The following NCR1 variants were observed in gnomAD, a reference collection of about 807,000 sequenced individuals.
The protein encoded by NCR1 is natural cytotoxicity triggering receptor 1.
In NCR1, 30 loss-of-function variants were observed where a neutral mutation model predicts 32.5. The observed-to-expected ratio is 0.92, with a 90% confidence interval of 0.69 to 1.25. NCR1 has a LOEUF of 1.25. Among genes scored for constraint, NCR1 ranks in the 50% most tolerant of loss-of-function variants. NCR1 has a pLI of 0.00. For synonymous variants in NCR1, 169 were observed against 143.4 expected (o/e 1.18, Z -1.28); for missense variants, 369 against 380.7 (o/e 0.97, Z 0.26).
At chr19:54,932,803 G>A in the NCR1 span, among the ~76,000 whole-genome samples, 81 of 152,020 alleles carry the variant, frequency 5.3e-4, no homozygotes, top group African/African-American at 1.8e-3. Context: ...CTATAGGCAC[G>A]CACCACCAAG....
the NCR1 span, among the ~76,000 whole-genome samples, chr19:54,924,690 C>T: frequency 3.1e-4 from 47 of 152,202 alleles, no homozygotes; most frequent in African/African-American, 1.1e-3. Flanking sequence ...AATTCCAGCA[C>T]TTTGGGAGGC....
the NCR1 span, chr19:54,927,545 G>A: frequency 2.1e-4 from 327 of 1,538,606 alleles, no homozygotes; most frequent in Non-Finnish European, 2.6e-4. Flanking sequence ...GACAGAGCAC[G>A]ACTCCATCTC....
At chr19:54,903,917 G>A (rs2067384417), upstream of NCR1, among the ~76,000 whole-genome samples, 1 of 151,484 alleles carries the variant, frequency 6.6e-6, no homozygotes, top group Non-Finnish European at 1.5e-5. Flanking sequence ...CTTGAGGTGA[G>A]GAGTTGGAGA....
downstream of NCR1, among the ~76,000 whole-genome samples, chr19:54,919,546 T>C (rs909523587): frequency 6.6e-6 from 1 of 152,188 alleles, no homozygotes; most frequent in East Asian, 1.9e-4. Flanking sequence ...CAGAGCCAGG[T>C]GTACAGGATG....
the NCR1 span, among the ~76,000 whole-genome samples, chr19:54,901,123 G>GAAAGAAA: frequency 9.8e-6 from 1 of 101,568 alleles, no homozygotes; most frequent in Admixed American, 1.1e-4. Flanking sequence ...TCTCTACTTT[G>GAAAGAAA]AAAAAAAAAA....
intron 6 of NCR1, 145 bp from the exon 7 acceptor site, chr19:54,912,545 G>A: frequency 1.5e-6 from 1 of 679,784 alleles, no homozygotes; most frequent in Non-Finnish European, 2.4e-6. Flanking sequence ...GTTGCAGTGA[G>A]CCGAGATCGT....
chr19:54,903,492 A>C (rs181153682), upstream of NCR1, among the ~76,000 whole-genome samples: 173 of 138,432 alleles, frequency 1.2e-3, 4 homozygotes, highest in African/African-American at 4.2e-3. Context: ...ATGTATATAC[A>C]TATATGTATG....
downstream of NCR1, among the ~76,000 whole-genome samples, chr19:54,918,081 G>A (rs73603924): frequency 0.018 from 2,667 of 150,984 alleles, 87 homozygotes; most frequent in East Asian, 0.11. Context: ...GACTACAGGC[G>A]CCCGCCACCT....
chr19:54,930,613 A>G, the NCR1 span: 1 of 1,612,572 alleles, frequency 6.2e-7, no homozygotes, highest in South Asian at 1.1e-5. Flanking sequence ...GGCTTCTTGG[A>G]GCGCCTCTGA....
downstream of NCR1, among the ~76,000 whole-genome samples, chr19:54,918,344 CA>C (rs997647885): frequency 6.6e-6 from 1 of 152,002 alleles, no homozygotes; most frequent in Non-Finnish European, 1.5e-5. Context: ...CAGCTCACTG[CA>C]ACAACCTCCG....
chr19:54,909,934 C>CAAA lies in NCR1; in HGVS notation c.635-64_635-62dup, dbSNP rs11345154. 9.7e-3 allele frequency: 5,888 copies of CAAA among 606,142 alleles called. 3 individuals carry two copies. Among genetic ancestry groups the CAAA allele is most frequent in the East Asian group, 0.011 (263 of 23,052 alleles). The allele number at this position is 606,142 out of a possible 1,614,324, so 37.5% of individuals were successfully genotyped here. ...TGGGCGACAGAGCAAGACTCCATCT[C>CAAA]AAAAAAAAAAAAAAAAAAAAAAGAA... is the stretch of plus-strand genomic sequence containing the variant. On this transcript the variant is annotated intron_variant, in intron 4 of 6. Coordinates refer to ENST00000291890, the MANE Select transcript of NCR1 (RefSeq NM_004829.7).
the NCR1 span, among the ~76,000 whole-genome samples, chr19:54,935,042 G>A: frequency 6.6e-6 from 1 of 152,130 alleles, no homozygotes; most frequent in Admixed American, 6.6e-5. Context: ...TATGTCTTTG[G>A]TTTATCTCAT....
At chr19:54,936,703 T>C in the NCR1 span, among the ~76,000 whole-genome samples, 2 of 151,750 alleles carry the variant, frequency 1.3e-5, no homozygotes, top group African/African-American at 4.8e-5. Flanking sequence ...TCGCCTGAGG[T>C]CAGGAGTTCG....
At chr19:54,898,282 C>T in the NCR1 span, among the ~76,000 whole-genome samples, 1 of 152,174 alleles carries the variant, frequency 6.6e-6, no homozygotes, top group Non-Finnish European at 1.5e-5. Context: ...TGGGATGCGG[C>T]TTAGGAGGAA....
At chr19:54,899,604 C>A in the NCR1 span, among the ~76,000 whole-genome samples, 1 of 151,838 alleles carries the variant, frequency 6.6e-6, no homozygotes, top group Non-Finnish European at 1.5e-5. Context: ...GGATTCTTGC[C>A]CCCTAGAAAA....
the NCR1 span, among the ~76,000 whole-genome samples, chr19:54,900,420 G>A: frequency 0.033 from 5,040 of 152,200 alleles, 102 homozygotes; most frequent in African/African-American, 0.056. Context: ...CTTTTGAGCC[G>A]GGATGAGCCA....
chr19:54,903,670 T>C (rs1224121793), upstream of NCR1, among the ~76,000 whole-genome samples: 5 of 134,788 alleles, frequency 3.7e-5, no homozygotes, highest in East Asian at 1.2e-3. Context: ...TATGTATACA[T>C]ATATGTATAA....
chr19:54,930,459 C>T, the NCR1 span: 1 of 1,454,186 alleles, frequency 6.9e-7, no homozygotes, highest in South Asian at 1.1e-5. Context: ...AAGACCCTGT[C>T]TCAAAAAAAG....
the NCR1 span, among the ~76,000 whole-genome samples, chr19:54,933,294 C>T: frequency 5.9e-5 from 9 of 152,114 alleles, no homozygotes; most frequent in South Asian, 1.2e-3. Flanking sequence ...TACAGGCATC[C>T]GCCACCACAC....
Sources: gnomAD v4.1 joint callset for allele counts (sites outside exome capture counted in the v4.1 genomes callset) on GRCh38, gnomAD v4.1.1 for gene constraint, MANE v1.5 for transcripts, NCBI Gene and HGNC (gene_info 2026-07-23, HGNC 2026-07-21) for gene names.